The following UBXN6 variants were observed in gnomAD, a reference collection of about 807,000 sequenced individuals.
UBXN6 encodes UBX domain-containing protein 6.
Under a neutral mutation model 51.4 loss-of-function variants are expected in UBXN6, and 44 were observed. The observed-to-expected ratio is 0.86, with a 90% confidence interval of 0.67 to 1.10. UBXN6 has a LOEUF of 1.10. Ranked by LOEUF, UBXN6 falls within the 50% of genes least tolerant of loss-of-function variation. UBXN6 has a pLI of 0.00. For synonymous variants in UBXN6, 316 were observed against 263.2 expected (o/e 1.20, Z -1.94); for missense variants, 672 against 596.1 (o/e 1.13, Z -1.32).
At chr19:4,457,795 TAAA>T (rs397859534), upstream of UBXN6, 104 of 28,092 alleles carry the variant, frequency 3.7e-3, 1 homozygote, top group East Asian at 8.9e-3. Flanking sequence ...GGAAGAAAAT[TAAA>T]AAAAAAAAAA....
intron 1 of UBXN6, among the ~76,000 whole-genome samples, chr19:4,455,961 G>A (rs563688711): frequency 6.6e-6 from 1 of 152,104 alleles, no homozygotes; most frequent in Admixed American, 6.5e-5. Flanking sequence ...TTTGTCCATC[G>A]GCTCCCTCTA....
chr19:4,451,556 GT>G (rs1351370722), intron 4 of UBXN6, among the ~76,000 whole-genome samples: 2 of 152,118 alleles, frequency 1.3e-5, no homozygotes, highest in Admixed American at 6.6e-5. Flanking sequence ...GTTTTGCCAT[GT>G]TGCCCAGGCT....
In UBXN6 at chr19:4,448,430, G is replaced by T; in HGVS notation, c.442-15C>A. On this transcript the variant is annotated splice_polypyrimidine_tract_variant and intron_variant, in intron 4 of 10. Coordinates refer to ENST00000301281, the MANE Select transcript of UBXN6 (RefSeq NM_025241.3). The stretch of plus-strand genomic sequence containing the variant: ...GTGGAGAAGTGCTGGGAGGAGGGAA[G>T]CAGGGAAAGCCACTCACTGAGAGCC... The T allele has an allele frequency of 6.3e-7, 1 of 1,593,442 alleles. No homozygotes were observed. The highest frequency in any genetic ancestry group is 2.3e-5 in the East Asian group (1 of 43,872).
intron 1 of UBXN6, 112 bp downstream of exon 1, chr19:4,457,503 C>T: frequency 1.1e-6 from 1 of 897,116 alleles, no homozygotes; most frequent in East Asian, 5.0e-5. Context: ...CCCTCGCGTG[C>T]CGCTCCCAGC....
At chr19:4,451,216 C>T (rs1167150282) in intron 4 of UBXN6, among the ~76,000 whole-genome samples, 1 of 152,144 alleles carries the variant, frequency 6.6e-6, no homozygotes, top group African/African-American at 2.4e-5. Context: ...GTCACCACGC[C>T]TGGCTAATTT....
At chr19:4,456,976 C>A (rs1377284752) in intron 1 of UBXN6, among the ~76,000 whole-genome samples, 1 of 152,078 alleles carries the variant, frequency 6.6e-6, no homozygotes, top group African/African-American at 2.4e-5. Flanking sequence ...CCCTGGCCTT[C>A]CAGACTCTTT....
At chr19:4,452,898 A>G (rs181978838) in intron 3 of UBXN6, among the ~76,000 whole-genome samples, 1 of 152,318 alleles carries the variant, frequency 6.6e-6, no homozygotes, top group Non-Finnish European at 1.5e-5. Context: ...GCCATCTCTA[A>G]GGTCCCTGCG....
intron 1 of UBXN6, among the ~76,000 whole-genome samples, chr19:4,456,299 C>T (rs1364731067): frequency 6.7e-6 from 1 of 150,208 alleles, no homozygotes; most frequent in African/African-American, 2.5e-5. Flanking sequence ...CCCTCCCTCA[C>T]TCAGCCTTTG....
chr19:4,450,837 A>G (rs975385330), intron 4 of UBXN6: 2 of 151,292 alleles, frequency 1.3e-5, no homozygotes, highest in African/African-American at 4.8e-5. Flanking sequence ...TAAATAATGT[A>G]GAAAGGACGC....
intron 1 of UBXN6, chr19:4,455,241 C>T: frequency 1.0e-6 from 1 of 985,512 alleles, no homozygotes; most frequent in South Asian, 4.7e-5. Context: ...AATTTCTGTG[C>T]CGTAGGTCTA....
chr19:4,448,490 G>A (rs1276428279), intron 4 of UBXN6, 75 bp from the exon 5 acceptor site: 1 of 1,259,744 alleles, frequency 7.9e-7, no homozygotes, highest in East Asian at 2.5e-5. Context: ...CAGGTAACAG[G>A]GGCAGGAAAA....
At position 4,446,271 on chromosome 19, in the gene UBXN6, G is replaced by A. The variant is rs539523761; in HGVS notation, c.1051+12C>T. 40 of 1,569,788 alleles carry A rather than the reference G, an allele frequency of 2.5e-5. No homozygotes were observed. The highest frequency in any genetic ancestry group is 1.7e-4 in the South Asian group (15 of 87,288). On this transcript the variant is annotated intron_variant, in intron 9 of 10. Transcript: ENST00000301281. ...ACCCGAGCCGCCCTCCACGGGCATCGTTGGTGCCCACCCTGCAGGAGGCAG... is the reference window on the plus strand; with the variant it reads ...ACCCGAGCCGCCCTCCACGGGCATCATTGGTGCCCACCCTGCAGGAGGCAG...
chr19:4,446,196 G>A lies in UBXN6; in HGVS notation c.1053C>T (p.Gly351=). The change falls in exon 10 of 11, where the codon GGC becomes GGT. Residue 351 remains glycine (G), a splice_region_variant and synonymous_variant. Coordinates refer to ENST00000301281, the MANE Select transcript of UBXN6 (RefSeq NM_025241.3). ...VRLPDGCLLQ[G]TFYARERLGA... is the part of the protein sequence containing the mutation. ...CCAGCCGCTCCCGAGCGTAGAAAGT[G>A]CCTGGGGAGTGGGGGAGTCAGAGCG... The A allele has an allele frequency of 2.5e-6, 4 of 1,601,892 alleles. No individual in the cohort carries two copies. The highest frequency in any genetic ancestry group is 4.5e-5 in the East Asian group (2 of 44,480).
At chr19:4,457,796 A>T (rs1169467645), upstream of UBXN6, 15 of 13,768 alleles carry the variant, frequency 1.1e-3, 1 homozygote, top group East Asian at 4.2e-3. Flanking sequence ...GAAGAAAATT[A>T]AAAAAAAAAA....
At chr19:4,453,651 G>A (rs1974693821) in intron 2 of UBXN6, 129 bp from the exon 3 acceptor site, 6 of 1,212,276 alleles carry the variant, frequency 4.9e-6, no homozygotes, top group Non-Finnish European at 7.0e-6. Context: ...TTCTGCTGGA[G>A]GTCAGGCTGG....
At chr19:4,448,043 G>C in intron 5 of UBXN6, 1 of 547,278 alleles carries the variant, frequency 1.8e-6, no homozygotes, top group Non-Finnish European at 3.3e-6. Context: ...GAGTGGGGTG[G>C]GACCCTGCCT....
In UBXN6 at chr19:4,451,986, T is replaced by C. The variant is rs543151700; in HGVS notation, c.441+378A>G. On this transcript the variant is annotated intron_variant, in intron 4 of 10. Transcript: ENST00000301281. ...CAACATGGTGAAACCCCATCTCTAC[T>C]AAAAATACAAAAATTAGCCAGGCAT... 6.6e-5 allele frequency among the ~76,000 whole-genome samples: 10 copies of C among 151,372 alleles called. No homozygotes were observed. The South Asian group carries it at 2.1e-3, about 32-fold the overall frequency.
intron 1 of UBXN6, among the ~76,000 whole-genome samples, chr19:4,456,338 C>T (rs1318383263): frequency 2.0e-5 from 3 of 150,820 alleles, no homozygotes; most frequent in South Asian, 2.1e-4. Flanking sequence ...GGAACCCTGA[C>T]GTCCTCACTA....
At chr19:4,450,822 T>C (rs1343300539) in intron 4 of UBXN6, 1 of 140,518 alleles carries the variant, frequency 7.1e-6, no homozygotes, top group African/African-American at 2.6e-5. Flanking sequence ...AGACAAACTA[T>C]CTACTAAATA....
Sources: gnomAD v4.1 joint callset for allele counts (sites outside exome capture counted in the v4.1 genomes callset) on GRCh38, gnomAD v4.1.1 for gene constraint, MANE v1.5 for transcripts, NCBI Gene and HGNC (gene_info 2026-07-23, HGNC 2026-07-21) for gene names.